RNASET2: variants seen among roughly 807,000 people sequenced by gnomAD.
RNASET2 encodes ribonuclease T2.
In RNASET2, 28 loss-of-function variants were observed where a neutral mutation model predicts 33.9. The ratio of observed to expected loss-of-function variants is 0.83; its 90% CI spans 0.61 to 1.13. The LOEUF (loss-of-function observed/expected upper bound fraction) is 1.13. Among genes scored for constraint, RNASET2 ranks in the 50% most tolerant of loss-of-function variants. The probability of loss-of-function intolerance (pLI) is 0.00; values close to 1 mark genes in which losing one functional copy is unlikely to be tolerated. For synonymous variants in RNASET2, 123 were observed against 121.0 expected (o/e 1.02, Z -0.11); for missense variants, 330 against 319.9 (o/e 1.03, Z -0.24).
Position 166,925,236 on chromosome 6 carries a change from G to C in RNASET2, c.*4352C>G, listed in dbSNP as rs544834042. 3.3e-5 allele frequency among the ~76,000 whole-genome samples: 5 copies of C among 151,206 alleles called. No individual in the cohort carries two copies. In the South Asian group the frequency reaches 1.1e-3, roughly 32 times the overall value. ...GTCCAGGCATCACCCTTGCTGTCCA[G>C]CCGACACCTACGATGCGCAGTCCAT... On this transcript the variant is annotated 3_prime_UTR_variant, in exon 9 of 9. Transcript: ENST00000508775.
At chr6:166,955,243 A>ACG (rs1779095752) in intron 1 of RNASET2, among the ~76,000 whole-genome samples, 1 of 103,568 alleles carries the variant, frequency 9.7e-6, no homozygotes, top group East Asian at 3.7e-4. Flanking sequence ...ACGCACGCAC[A>ACG]CACACGCACA....
chr6:166,929,849 C>A, intron 8 of RNASET2, 58 bp from the exon 9 acceptor site: 1 of 1,505,036 alleles, frequency 6.6e-7, no homozygotes, highest in South Asian at 1.1e-5. Flanking sequence ...TCATCAAGGT[C>A]TTAAGATCAT....
In RNASET2 at chr6:166,925,358, C is replaced by T. The variant is rs923516863; in HGVS notation, c.*4230G>A. Among the ~76,000 whole-genome samples the T allele has an allele frequency of 2.0e-5, 3 of 151,384 alleles. No homozygotes were observed. Among genetic ancestry groups the T allele is most frequent in the Non-Finnish European group, 4.4e-5 (3 of 67,844 alleles). On this transcript the variant is annotated 3_prime_UTR_variant, in exon 9 of 9. Transcript: ENST00000508775. ...CCAGCTCTCACTTCCTCCATCCAGG[C>T]ATCATTCCTGCCACCCAGGCCTCAT...
intron 4 of RNASET2, among the ~76,000 whole-genome samples, chr6:166,944,241 C>A (rs1778771783): frequency 6.6e-6 from 1 of 152,098 alleles, no homozygotes. Context: ...CTAAATCCAA[C>A]AGAACTGGAG....
intron 7 of RNASET2, 90 bp downstream of exon 7, chr6:166,934,001 A>C: frequency 1.1e-6 from 1 of 910,482 alleles, no homozygotes; most frequent in South Asian, 1.3e-5. Flanking sequence ...CACTGGGGCA[A>C]TTTACAGCCC....
At chr6:166,944,820 C>T (rs1188254974) in intron 4 of RNASET2, among the ~76,000 whole-genome samples, 12 of 152,228 alleles carry the variant, frequency 7.9e-5, no homozygotes, top group African/African-American at 2.9e-4. Flanking sequence ...CCCTTTCCAC[C>T]TGGCTGTTAA....
Position 166,927,956 on chromosome 6 carries a change from G to T in RNASET2, c.*1632C>A, listed in dbSNP as rs984262450. On this transcript the variant is annotated 3_prime_UTR_variant, in exon 9 of 9. Coordinates refer to ENST00000508775, the MANE Select transcript of RNASET2 (RefSeq NM_003730.6). ...ACAGAAAAACACTGGAGACAGAAAT[G>T]AGCTCAGAGAAGGGCCGAGGGACAA... 1.2e-4 allele frequency among the ~76,000 whole-genome samples: 19 copies of T among 152,180 alleles called. No homozygotes were observed. Among genetic ancestry groups the T allele is most frequent in the African/African-American group, 4.6e-4 (19 of 41,434 alleles).
Position 166,924,366 on chromosome 6 carries a change from T to G in RNASET2, c.*5222A>C, listed in dbSNP as rs1198956421. 2.0e-5 allele frequency among the ~76,000 whole-genome samples: 3 copies of G among 152,228 alleles called. No homozygotes were observed. The highest frequency in any genetic ancestry group is 4.4e-5 in the Non-Finnish European group (3 of 68,034). ...CGCCTGCCTTGGCCTCCCAAAGTGC[T>G]GGTATTACAGGCATGAGCCACCACG... On this transcript the variant is annotated 3_prime_UTR_variant, in exon 9 of 9. Transcript: ENST00000508775.
Position 166,933,917 on chromosome 6 carries a change from C to T in RNASET2, c.492+174G>A. 1.5e-6 allele frequency: 1 copy of T among 664,234 alleles called. No individual in the cohort carries two copies. Among genetic ancestry groups the T allele is most frequent in the Admixed American group, 2.3e-5 (1 of 43,874 alleles). The allele number at this position is 664,234 out of a possible 1,614,324, so 41.1% of individuals were successfully genotyped here. On this transcript the variant is annotated intron_variant, in intron 7 of 8. Coordinates refer to ENST00000508775, the MANE Select transcript of RNASET2 (RefSeq NM_003730.6). The surrounding 1 kb of genome is among the most constrained non-coding windows in gnomAD (Gnocchi z 4.1). ...TGGTCTAAGCAGCCTTCAGCTCCTACTCAACATGCGCAGGAAAATAAAATG... is the reference window on the plus strand; with the variant it reads ...TGGTCTAAGCAGCCTTCAGCTCCTATTCAACATGCGCAGGAAAATAAAATG...
rs764465742 is a variant in RNASET2, at chr6:166,948,596, C to T, written c.177G>A (p.Pro59=). Residue 59 remains proline, a synonymous_variant, in exon 3 of 9, where the codon CCG becomes CCA. Transcript: ENST00000508775. ...EKIQNDCRDP[P]DYWTIHGLWP... ...ATAGTCCATGTATTGTCCAGTAATC[C>T]GGAGGGTCTCTACAGTCGTTTTGAA... 2.1e-5 allele frequency: 33 copies of T among 1,601,304 alleles called. No individual in the cohort carries two copies. The highest frequency in any genetic ancestry group is 4.5e-5 in the East Asian group (2 of 44,834).
At chr6:166,950,119 C>A (rs1217657034) in intron 2 of RNASET2, among the ~76,000 whole-genome samples, 1 of 152,200 alleles carries the variant, frequency 6.6e-6, no homozygotes, top group Non-Finnish European at 1.5e-5. Flanking sequence ...ATGTAAATGC[C>A]TCCCTGAATG....
Position 166,956,256 on chromosome 6 carries a change from CT to C in RNASET2, c.-75del. On this transcript the variant is annotated 5_prime_UTR_variant, in exon 1 of 9. Coordinates refer to ENST00000508775, the MANE Select transcript of RNASET2 (RefSeq NM_003730.6). The stretch of plus-strand genomic sequence containing the variant: ...CTTCCCACCTGCTGCCCGAGGAAGA[CT>C]TCCGGGAGAAACGCTGTCTCCGAGC... 1 of 1,368,024 alleles carries C rather than the reference CT, an allele frequency of 7.3e-7. No individual in the cohort carries two copies. The highest frequency in any genetic ancestry group is 1.0e-6 in the Non-Finnish European group (1 of 982,292). The allele number at this position is 1,368,024 out of a possible 1,614,324, so 84.7% of individuals were successfully genotyped here.
chr6:166,939,020 A>T lies in RNASET2; in HGVS notation c.333-12T>A. 1 of 1,595,100 alleles carries T rather than the reference A, an allele frequency of 6.3e-7. No homozygotes were observed. The highest frequency in any genetic ancestry group is 8.6e-7 in the Non-Finnish European group (1 of 1,165,086). ...CCCACTCATGCTTCCTGTGAGGATTAGGAAAAATCTCCACTTAAAAGTAGT... is the reference window on the plus strand; with the variant it reads ...CCCACTCATGCTTCCTGTGAGGATTTGGAAAAATCTCCACTTAAAAGTAGT... On this transcript the variant is annotated splice_polypyrimidine_tract_variant and intron_variant, in intron 5 of 8. Coordinates refer to ENST00000508775, the MANE Select transcript of RNASET2 (RefSeq NM_003730.6).
chr6:166,929,905 C>T (rs1562492229), intron 8 of RNASET2, 114 bp from the exon 9 acceptor site: 16 of 997,944 alleles, frequency 1.6e-5, no homozygotes, highest in Middle Eastern at 2.3e-4. Flanking sequence ...AGGCTCCACA[C>T]CACAGGTTCT....
At chr6:166,939,946 T>G (rs1364755690) in intron 5 of RNASET2, among the ~76,000 whole-genome samples, 2 of 152,232 alleles carry the variant, frequency 1.3e-5, no homozygotes, top group Non-Finnish European at 2.9e-5. Flanking sequence ...TTCTCAAAAC[T>G]CTGCAAGGCG....
chr6:166,954,712 T>C (rs1234534145), intron 1 of RNASET2, among the ~76,000 whole-genome samples: 1 of 152,202 alleles, frequency 6.6e-6, no homozygotes, highest in Non-Finnish European at 1.5e-5. Context: ...ATACCTAAGG[T>C]GTTTAAAAAG....
intron 4 of RNASET2, among the ~76,000 whole-genome samples, chr6:166,944,397 C>A (rs1778775869): frequency 6.6e-6 from 1 of 151,960 alleles, no homozygotes; most frequent in African/African-American, 2.4e-5. Flanking sequence ...TTTTCTCAGC[C>A]CATTTGTAAC....
At chr6:166,948,768 C>T (rs916058831) in intron 2 of RNASET2, 143 bp from the exon 3 acceptor site, 8 of 683,452 alleles carry the variant, frequency 1.2e-5, no homozygotes, top group African/African-American at 8.9e-5. Context: ...AAGCTAAAGC[C>T]AGGGCTACTT....
In RNASET2 at chr6:166,933,762, A is replaced by C. The variant is rs1014140091; in HGVS notation, c.492+329T>G. The C allele has an allele frequency of 5.8e-6, 2 of 347,206 alleles. No individual in the cohort carries two copies. Among genetic ancestry groups the C allele is most frequent in the African/African-American group, 4.2e-5 (2 of 47,956 alleles). 21.5% of individuals were successfully genotyped at this position (347,206 alleles called of 1,614,324 possible). A position where few individuals can be genotyped will look rare whatever the true frequency, so the allele number is the denominator to read the frequency against. ...CACAATTTTATCATGAAAACAAACC[A>C]CAAACAAATATAAGACTACGTTATA... On this transcript the variant is annotated intron_variant, in intron 7 of 8. Transcript: ENST00000508775. The surrounding 1 kb of genome is among the most constrained non-coding windows in gnomAD (Gnocchi z 4.1).
Sources: allele counts gnomAD v4.1 joint callset (sites outside exome capture counted in the v4.1 genomes callset), GRCh38; gene constraint gnomAD v4.1.1; non-coding constraint Gnocchi (gnomAD v3.1); transcripts MANE v1.5; gene names NCBI Gene and HGNC (gene_info 2026-07-23, HGNC 2026-07-21).